The following TRDN variants were observed in gnomAD, a reference collection of about 807,000 sequenced individuals.
TRDN encodes the protein triadin in skeletal muscle.
Under a neutral mutation model 149.7 loss-of-function variants are expected in TRDN, and 161 were observed. That is an observed-to-expected ratio of 1.08 (90% CI 0.95 to 1.23). TRDN has a LOEUF of 1.23. Ranked by LOEUF, TRDN falls within the 50% of genes most tolerant of loss-of-function variation. TRDN has a pLI of 0.00. For synonymous variants in TRDN, 294 were observed against 250.5 expected, an observed-to-expected ratio of 1.17 and a Z score of -1.64; for missense variants, 896 against 823.5, an observed-to-expected ratio of 1.09 and a Z score of -1.08.
intron 12 of TRDN, among the ~76,000 whole-genome samples, chr6:123,434,799 G>A (rs1774485345): frequency 6.6e-6 from 1 of 151,482 alleles, no homozygotes; most frequent in Non-Finnish European, 1.5e-5. Context: ...TTTTTAATTG[G>A]CAGGTATTTA....
intron 23 of TRDN, among the ~76,000 whole-genome samples, chr6:123,320,749 C>G (rs35250540): frequency 6.6e-6 from 1 of 151,852 alleles, no homozygotes; most frequent in East Asian, 1.9e-4. Flanking sequence ...TCTATATTAT[C>G]TATGTTGTAT....
chr6:123,459,540 T>C (rs2114687902), intron 10 of TRDN, among the ~76,000 whole-genome samples: 1 of 152,278 alleles, frequency 6.6e-6, no homozygotes, highest in East Asian at 1.9e-4. Context: ...TCTTCAGGCA[T>C]AGGAGTGATA....
intron 7 of TRDN, among the ~76,000 whole-genome samples, chr6:123,506,912 T>C (rs916560794): frequency 2.0e-5 from 3 of 152,184 alleles, no homozygotes; most frequent in African/African-American, 7.2e-5. Context: ...TAGTTTGATC[T>C]ATCTGTCTTC....
chr6:123,541,912 G>A (rs113070508), intron 4 of TRDN, among the ~76,000 whole-genome samples: 1,705 of 152,206 alleles, frequency 0.011, 30 homozygotes, highest in African/African-American at 0.039. Flanking sequence ...TCTTACTCCC[G>A]ATGACATGAT....
intron 23 of TRDN, among the ~76,000 whole-genome samples, chr6:123,328,373 A>G (rs921894003): frequency 6.6e-6 from 1 of 152,132 alleles, no homozygotes; most frequent in African/African-American, 2.4e-5. Flanking sequence ...CACACCCCCA[A>G]CCAACACCAA....
At chr6:123,502,547 C>T (rs973291168) in intron 8 of TRDN, 3 of 981,722 alleles carry the variant, frequency 3.1e-6, no homozygotes, top group Non-Finnish European at 1.2e-6. Context: ...TTGACAAATA[C>T]TACATGTGAA....
chr6:123,347,044 T>C (rs1294183581), intron 21 of TRDN, among the ~76,000 whole-genome samples: 3 of 152,002 alleles, frequency 2.0e-5, no homozygotes, highest in Non-Finnish European at 4.4e-5. Context: ...GATTCTTGAA[T>C]GGAGAACGTG....
chr6:123,578,897 T>A (rs903015339), intron 1 of TRDN, among the ~76,000 whole-genome samples: 1 of 152,078 alleles, frequency 6.6e-6, no homozygotes, highest in African/African-American at 2.4e-5. Flanking sequence ...AGGTGGTTTT[T>A]TCGTGTGTGT....
intron 1 of TRDN, among the ~76,000 whole-genome samples, chr6:123,630,967 G>A (rs997396): frequency 0.33 from 49,644 of 151,634 alleles, 8,233 homozygotes; most frequent in East Asian, 0.44. Context: ...TGGAGATAGT[G>A]CCTGAACCCC....
intron 9 of TRDN, among the ~76,000 whole-genome samples, chr6:123,490,708 C>T (rs1431977026): frequency 6.6e-6 from 1 of 152,046 alleles, no homozygotes; most frequent in Non-Finnish European, 1.5e-5. Flanking sequence ...TTTCTAACTG[C>T]ACAAATGCTA....
intron 13 of TRDN, among the ~76,000 whole-genome samples, chr6:123,389,032 G>A (rs1168085972): frequency 6.6e-6 from 1 of 151,970 alleles, no homozygotes; most frequent in Non-Finnish European, 1.5e-5. Context: ...TTTCAGGAAG[G>A]GAAAATAAAT....
chr6:123,315,656 C>G (rs1437078959), intron 24 of TRDN, among the ~76,000 whole-genome samples: 2 of 151,860 alleles, frequency 1.3e-5, no homozygotes. Flanking sequence ...ATAGATACAA[C>G]TTTCTTTTGG....
intron 13 of TRDN, among the ~76,000 whole-genome samples, chr6:123,393,117 TA>T (rs1772570549): frequency 6.6e-6 from 1 of 152,074 alleles, no homozygotes; most frequent in South Asian, 2.1e-4. Context: ...AAGATATTTG[TA>T]AATGGTGAAA....
At chr6:123,457,557 A>G (rs772460617) in intron 10 of TRDN, 1 of 435,018 alleles carries the variant, frequency 2.3e-6, no homozygotes, top group South Asian at 1.7e-5. Context: ...TTCCCTTTTC[A>G]TTTTCCTTTT....
chr6:123,563,675 A>G (rs1223198424), intron 2 of TRDN, among the ~76,000 whole-genome samples: 1 of 152,250 alleles, frequency 6.6e-6, no homozygotes, highest in East Asian at 1.9e-4. Context: ...TTGGATCACC[A>G]TATTATAAAT....
intron 13 of TRDN, among the ~76,000 whole-genome samples, chr6:123,391,436 C>CT: frequency 6.6e-6 from 1 of 151,788 alleles, no homozygotes; most frequent in East Asian, 1.9e-4. Context: ...GACATTTGTG[C>CT]TTTTTTTCTT....
At chr6:123,376,167 A>T (rs553557845) in intron 18 of TRDN, among the ~76,000 whole-genome samples, 18 of 152,296 alleles carry the variant, frequency 1.2e-4, no homozygotes, top group African/African-American at 4.1e-4. Flanking sequence ...AAACTTTTAA[A>T]ACTGGCTACA....
intron 27 of TRDN, among the ~76,000 whole-genome samples, chr6:123,274,128 G>A (rs1488713199): frequency 6.6e-6 from 1 of 152,026 alleles, no homozygotes; most frequent in Non-Finnish European, 1.5e-5. Flanking sequence ...ATTAAGTATA[G>A]GTAATAATGG....
At chr6:123,297,194 T>G (rs1159579922) in intron 24 of TRDN, among the ~76,000 whole-genome samples, 1 of 152,092 alleles carries the variant, frequency 6.6e-6, no homozygotes, top group East Asian at 1.9e-4. Context: ...CAATAATTTC[T>G]ATGAAATATT....
Sources: gnomAD v4.1 joint callset for allele counts (sites outside exome capture counted in the v4.1 genomes callset) on GRCh38, gnomAD v4.1.1 for gene constraint, MANE v1.5 for transcripts, NCBI Gene and HGNC (gene_info 2026-07-23, HGNC 2026-07-21) for gene names.